The following CAPN8 variants were observed in gnomAD, a reference collection of about 807,000 sequenced individuals.
CAPN8 encodes the protein calpain-8.
CAPN8 carries 87 observed loss-of-function variants against 80.9 expected under a neutral mutation model. That is an observed-to-expected ratio of 1.07 (90% CI 0.90 to 1.28). The LOEUF is 1.28. Ranked by LOEUF, CAPN8 falls within the 50% of genes most tolerant of loss-of-function variation. The pLI is 0.00. For missense variants in CAPN8, 757 were observed against 702.0 expected (o/e 1.08, Z -0.89); for synonymous variants, 299 against 273.8 (o/e 1.09, Z -0.91).
intron 2 of CAPN8, chr1:223,644,088 T>C: frequency 3.7e-6 from 1 of 267,806 alleles, no homozygotes; most frequent in Non-Finnish European, 7.5e-6. Flanking sequence ...TCTCAACAAT[T>C]TCTCACTTCA....
intron 10 of CAPN8, among the ~76,000 whole-genome samples, chr1:223,612,475 G>A (rs1477996750): frequency 6.6e-6 from 1 of 151,858 alleles, no homozygotes; most frequent in Non-Finnish European, 1.5e-5. Context: ...AAATCTGGTG[G>A]GGGACCACCA....
intron 2 of CAPN8, among the ~76,000 whole-genome samples, chr1:223,637,299 C>A (rs1006793284): frequency 6.6e-6 from 1 of 152,178 alleles, no homozygotes; most frequent in Non-Finnish European, 1.5e-5. Context: ...CTATCTGTAG[C>A]CACACTCCAC....
chr1:223,656,817 G>T (rs1350338757), intron 1 of CAPN8, among the ~76,000 whole-genome samples: 1 of 151,606 alleles, frequency 6.6e-6, no homozygotes, highest in African/African-American at 2.4e-5. Context: ...CTGAGTAGCT[G>T]GGACTACAGG....
intron 11 of CAPN8, among the ~76,000 whole-genome samples, chr1:223,611,379 CAA>C (rs898406928): frequency 2.0e-5 from 3 of 152,236 alleles, no homozygotes; most frequent in Admixed American, 1.3e-4. Context: ...TCCATGGCAA[CAA>C]CCTGACAACC....
At chr1:223,654,272 A>T (rs887331097) in intron 2 of CAPN8, 58 bp downstream of exon 2, 2 of 1,419,724 alleles carry the variant, frequency 1.4e-6, no homozygotes, top group Admixed American at 2.0e-5. Flanking sequence ...ATGTTTACTC[A>T]TGACACATAC....
Position 223,665,638 on chromosome 1 carries a change from G to A in CAPN8, c.9C>T (p.Ala3=). MA[A]QAAGVSRQRA... Reference sequence around the variant, plus strand: ...GCTGCCTAGATACACCAGCTGCCTGGGCTGCCATGGCCGTGGGCTCTGTAG... The same window carrying A: ...GCTGCCTAGATACACCAGCTGCCTGAGCTGCCATGGCCGTGGGCTCTGTAG... The change falls in exon 1 of 21, where the codon GCC becomes GCT. Residue 3 remains alanine, a synonymous_variant. Transcript: ENST00000366872. 1 of 1,551,264 alleles carries A rather than the reference G, an allele frequency of 6.4e-7. No homozygotes were observed. The highest frequency in any genetic ancestry group is 1.8e-4 in the Middle Eastern group (1 of 5,674).
chr1:223,630,878 G>A (rs1166189672), intron 2 of CAPN8, among the ~76,000 whole-genome samples: 1 of 152,064 alleles, frequency 6.6e-6, no homozygotes, highest in Non-Finnish European at 1.5e-5. Flanking sequence ...ACTTCCAAAG[G>A]TTGAGCAAAA....
At chr1:223,545,046 G>GGA in intron 17 of CAPN8, 185 bp downstream of exon 17, 1 of 1,378,212 alleles carries the variant, frequency 7.3e-7, no homozygotes, top group Admixed American at 2.4e-5. Context: ...TGAACAGCAG[G>GGA]GCTTTCAGGG....
intron 7 of CAPN8, 123 bp from the exon 8 acceptor site, chr1:223,620,389 A>G (rs1657349079): frequency 6.2e-6 from 5 of 808,044 alleles, no homozygotes; most frequent in Admixed American, 4.5e-5. Flanking sequence ...CTGCAGGCAG[A>G]CAGAAAGGCA....
chr1:223,642,508 G>A (rs1236280926), intron 2 of CAPN8, among the ~76,000 whole-genome samples: 2 of 152,172 alleles, frequency 1.3e-5, no homozygotes, highest in Non-Finnish European at 2.9e-5. Context: ...TCAGGGAGGG[G>A]CAGCTATCAC....
At chr1:223,652,297 G>C (rs57514226) in intron 2 of CAPN8, among the ~76,000 whole-genome samples, 275 of 151,952 alleles carry the variant, frequency 1.8e-3, no homozygotes, top group African/African-American at 6.1e-3. Flanking sequence ...AGCCGATATC[G>C]GGCCACTGCA....
At chr1:223,631,548 C>T (rs926215695) in intron 2 of CAPN8, among the ~76,000 whole-genome samples, 3 of 152,222 alleles carry the variant, frequency 2.0e-5, no homozygotes, top group Non-Finnish European at 4.4e-5. Context: ...CTCATCTCGG[C>T]ATCCCCAGCA....
At chr1:223,611,239 G>A (rs942804715) in intron 11 of CAPN8, among the ~76,000 whole-genome samples, 4 of 152,170 alleles carry the variant, frequency 2.6e-5, no homozygotes, top group African/African-American at 4.8e-5. Flanking sequence ...ACTCCCAGCA[G>A]GACGCTGGAC....
At chr1:223,549,288 A>C in intron 16 of CAPN8, 30 bp downstream of exon 16, 1 of 1,544,252 alleles carries the variant, frequency 6.5e-7, no homozygotes, top group South Asian at 1.2e-5. Flanking sequence ...AAAGTAAAAA[A>C]AAAAAAATAA....
chr1:223,625,300 A>G (rs1657534735), intron 6 of CAPN8, among the ~76,000 whole-genome samples: 1 of 152,296 alleles, frequency 6.6e-6, no homozygotes, highest in East Asian at 1.9e-4. Flanking sequence ...GATCTGTAGA[A>G]TCTAACTGAC....
At chr1:223,625,783 C>G (rs569502325) in intron 6 of CAPN8, 22 bp downstream of exon 6, 1 of 1,533,420 alleles carries the variant, frequency 6.5e-7, no homozygotes, top group South Asian at 1.2e-5. Flanking sequence ...CGTTACCTTC[C>G]CCACCTTCCA....
At chr1:223,629,356 T>TCC (rs1256512965) in intron 2 of CAPN8, among the ~76,000 whole-genome samples, 1 of 152,126 alleles carries the variant, frequency 6.6e-6, no homozygotes, top group Non-Finnish European at 1.5e-5. Context: ...TGCTTAAAGT[T>TCC]CCCTTGAGAT....
intron 14 of CAPN8, among the ~76,000 whole-genome samples, chr1:223,551,287 T>C (rs894539618): frequency 2.0e-5 from 3 of 152,154 alleles, no homozygotes; most frequent in Non-Finnish European, 4.4e-5. Flanking sequence ...GGACTACAGA[T>C]GCGTGCCACC....
intron 5 of CAPN8, among the ~76,000 whole-genome samples, chr1:223,626,139 C>T (rs1425922636): frequency 2.6e-5 from 4 of 152,172 alleles, no homozygotes; most frequent in African/African-American, 7.2e-5. Flanking sequence ...CAAAATGCCA[C>T]CAAGAAACTG....
Sources: gnomAD v4.1 joint callset for allele counts (sites outside exome capture counted in the v4.1 genomes callset) on GRCh38, gnomAD v4.1.1 for gene constraint, MANE v1.5 for transcripts, NCBI Gene and HGNC (gene_info 2026-07-23, HGNC 2026-07-21) for gene names.